Variants in FOCAD observed in about 807,000 individuals in gnomAD.
FOCAD encodes KIAA1797.
A neutral mutation model predicts 225.6 loss-of-function variants in FOCAD; 198 were observed. The observed-to-expected ratio is 0.88, with a 90% CI of 0.78 to 0.99. The LOEUF (loss-of-function observed/expected upper bound fraction) is 0.99, where lower values mean the gene tolerates loss of function less well. Among genes scored for constraint, FOCAD ranks in the 50% least tolerant of loss-of-function variants. The probability of loss-of-function intolerance (pLI) is 0.00; values close to 1 mark genes in which losing one functional copy is unlikely to be tolerated. For synonymous variants in FOCAD, 897 were observed against 755.0 expected (o/e 1.19, Z -3.08); for missense variants, 2,713 against 2,123.6 (o/e 1.28, Z -5.46).
chr9:20,916,875 T>C lies in FOCAD; in HGVS notation c.2808-18T>C. 4.4e-6 allele frequency: 7 copies of C among 1,595,974 alleles called. No individual in the cohort carries two copies. The highest frequency in any genetic ancestry group is 6.0e-6 in the Non-Finnish European group (7 of 1,173,898). On this transcript the variant is annotated intron_variant, in intron 23 of 43. Transcript: ENST00000338382. ...TGTTCTAACATAAACTCTCGTCTAT[T>C]TTCCATCTTTATTGCAGGGTTAGAG...
rs566088367 is a variant in FOCAD, at chr9:20,949,527, A to G, written c.3877-77A>G. The G allele has an allele frequency of 6.6e-6, 6 of 910,722 alleles. No individual in the cohort carries two copies. The East Asian group carries it at 1.8e-4, about 27-fold the overall frequency. 56.4% of individuals were successfully genotyped at this position (910,722 alleles called of 1,614,324 possible). ...CTGTTTTATAACTTAGAAGATGGAT[A>G]GCTCATGCACCGGGAATATAACTCT... On this transcript the variant is annotated intron_variant, in intron 32 of 43. Transcript: ENST00000338382.
At chr9:20,844,325 T>G (rs974957376) in intron 15 of FOCAD, among the ~76,000 whole-genome samples, 3 of 150,278 alleles carry the variant, frequency 2.0e-5, no homozygotes, top group African/African-American at 7.3e-5. Flanking sequence ...AGGGCAGACA[T>G]GGTTCTAACC....
intron 10 of FOCAD, among the ~76,000 whole-genome samples, chr9:20,782,716 T>C (rs943305556): frequency 6.6e-6 from 1 of 152,192 alleles, no homozygotes; most frequent in Non-Finnish European, 1.5e-5. Context: ...TAAATCTCCA[T>C]GAAGAGAGGC....
Position 20,789,561 on chromosome 9 carries a change from C to T in FOCAD, c.1408C>T (p.Gln470Ter). The change falls in exon 11 of 44, where the codon CAA becomes TAA. Residue 470 changes from glutamine to a stop codon, truncating the protein, a stop_gained. Coordinates refer to ENST00000338382, the MANE Select transcript of FOCAD (RefSeq NM_001375567.1). LOFTEE classifies it high-confidence loss of function. ...TGAAGACAAAGGACAAAATCTTCAC[C>T]AAATACTCAAGGTCACTACAGAATT... ...LVEDKGQNLH[Q>*]ILKVTTELAQ... The T allele has an allele frequency of 6.2e-7, 1 of 1,613,954 alleles. No homozygotes were observed. Among genetic ancestry groups the T allele is most frequent in the Non-Finnish European group, 8.5e-7 (1 of 1,179,968 alleles).
At position 20,990,151 on chromosome 9, in the gene FOCAD, C is replaced by T; in HGVS notation, c.5033C>T (p.Ala1678Val). 1.2e-6 allele frequency: 2 copies of T among 1,614,214 alleles called. No individual in the cohort carries two copies. The highest frequency in any genetic ancestry group is 1.7e-5 in the Admixed American group (1 of 60,026). Reference sequence around the variant, plus strand: ...TTGGACTTCTTCTTGCTGATATTTGCAACCGCAGTGGTTGCATGGGCTGAC... The same window carrying T: ...TTGGACTTCTTCTTGCTGATATTTGTAACCGCAGTGGTTGCATGGGCTGAC... ...KALDFFLLIF[A>V]TAVVAWADHT... Residue 1678 changes from alanine to valine, a missense_variant, in exon 42 of 44, where the codon GCA becomes GTA. Ala to Val is a moderately conservative substitution (Grantham distance 64). Coordinates refer to ENST00000338382, the MANE Select transcript of FOCAD (RefSeq NM_001375567.1).
intron 3 of FOCAD, among the ~76,000 whole-genome samples, chr9:20,719,658 A>G (rs1321856182): frequency 6.6e-6 from 1 of 152,130 alleles, no homozygotes; most frequent in Non-Finnish European, 1.5e-5. Context: ...AGGGTATTCT[A>G]AAATGAAAAC....
chr9:20,933,079 G>A lies in FOCAD; in HGVS notation c.3383G>A (p.Cys1128Tyr). ...TCGTTGGATGCCCTGGAAAATTGCT[G>A]CTTTGACACTAGTCTTGAATACAAG... ...MKSLDALENC[C>Y]FDTSLEYNTG... Residue 1128 changes from cysteine (C) to tyrosine (Y), a missense_variant, in exon 28 of 44, where the codon TGC becomes TAC. Coordinates refer to ENST00000338382, the MANE Select transcript of FOCAD (RefSeq NM_001375567.1). The A allele has an allele frequency of 6.2e-7, 1 of 1,613,810 alleles. No individual in the cohort carries two copies. The highest frequency in any genetic ancestry group is 1.3e-5 in the African/African-American group (1 of 75,010).
intron 11 of FOCAD, among the ~76,000 whole-genome samples, chr9:20,816,848 C>A (rs1823777390): frequency 6.6e-6 from 1 of 152,050 alleles, no homozygotes; most frequent in South Asian, 2.1e-4. Flanking sequence ...TATAGTACAA[C>A]AACTATTTAC....
chr9:20,760,476 A>G (rs777388648), intron 6 of FOCAD, among the ~76,000 whole-genome samples: 1 of 152,230 alleles, frequency 6.6e-6, no homozygotes, highest in African/African-American at 2.4e-5. Flanking sequence ...TAGCAGTACA[A>G]TGACTTGCCT....
At chr9:20,865,055 C>T (rs570206541) in intron 16 of FOCAD, among the ~76,000 whole-genome samples, 8 of 152,168 alleles carry the variant, frequency 5.3e-5, no homozygotes, top group Non-Finnish European at 8.8e-5. Flanking sequence ...AGTTTCATAT[C>T]CTTTGTTTTC....
chr9:20,876,094 A>G (rs945326593), intron 19 of FOCAD, among the ~76,000 whole-genome samples: 1 of 152,174 alleles, frequency 6.6e-6, no homozygotes. Flanking sequence ...AGCTCCTTTT[A>G]CAGTTCCCTG....
chr9:20,856,889 G>C (rs2131657127), intron 15 of FOCAD, among the ~76,000 whole-genome samples: 1 of 152,120 alleles, frequency 6.6e-6, no homozygotes, highest in East Asian at 1.9e-4. Context: ...TCAAAAATGA[G>C]TTCACTGCAG....
chr9:20,953,196 A>T (rs1414615930), intron 35 of FOCAD, 131 bp downstream of exon 35: 2 of 675,032 alleles, frequency 3.0e-6, no homozygotes, highest in Non-Finnish European at 5.0e-6. Context: ...TCGTCTGCTA[A>T]ACCATCTTTG....
chr9:20,673,513 G>A (rs1199529340), intron 2 of FOCAD, among the ~76,000 whole-genome samples: 1 of 152,046 alleles, frequency 6.6e-6, no homozygotes, highest in Non-Finnish European at 1.5e-5. Flanking sequence ...ATGATATTGA[G>A]CATCTTTTCA....
At chr9:20,989,898 G>C (rs1173110341) in intron 41 of FOCAD, among the ~76,000 whole-genome samples, 1 of 152,098 alleles carries the variant, frequency 6.6e-6, no homozygotes. Context: ...TTCACATAAA[G>C]GGACTTCAAA....
chr9:20,893,745 A>G (rs34030229), intron 21 of FOCAD, among the ~76,000 whole-genome samples: 29,747 of 152,026 alleles, frequency 0.2, 3,518 homozygotes, highest in South Asian at 0.32. Flanking sequence ...CAAAATTGAG[A>G]GCAATGTATG....
chr9:20,926,254 A>T, intron 25 of FOCAD, 47 bp from the exon 26 acceptor site: 1 of 1,105,156 alleles, frequency 9.0e-7, no homozygotes, highest in Non-Finnish European at 1.4e-6. Context: ...AAATATCTTT[A>T]GATTTGTTTT....
intron 5 of FOCAD, among the ~76,000 whole-genome samples, chr9:20,744,797 T>G (rs752444747): frequency 6.6e-6 from 1 of 152,256 alleles, no homozygotes; most frequent in Admixed American, 6.5e-5. Flanking sequence ...ATAAATAAAG[T>G]TTTTATGTGA....
chr9:20,732,660 A>G (rs1815627377), intron 4 of FOCAD, among the ~76,000 whole-genome samples: 1 of 152,166 alleles, frequency 6.6e-6, no homozygotes, highest in Non-Finnish European at 1.5e-5. Context: ...GAAGATTAAA[A>G]TGGAAAGTAT....
Sources: allele counts gnomAD v4.1 joint callset (sites outside exome capture counted in the v4.1 genomes callset), GRCh38; gene constraint gnomAD v4.1.1; transcripts MANE v1.5; gene names NCBI Gene and HGNC (gene_info 2026-07-23, HGNC 2026-07-21).